ATG10: variants seen among roughly 807,000 people sequenced by gnomAD.
ATG10 encodes the protein autophagy related 10.
ATG10 carries 30 observed loss-of-function variants against 32.1 expected under a neutral mutation model. The ratio of observed to expected loss-of-function variants is 0.94; its 90% CI spans 0.70 to 1.27. ATG10 has a LOEUF of 1.27. ATG10 is among the 50% of genes most tolerant of loss of function. The pLI is 0.00. For synonymous variants in ATG10, 87 were observed against 91.5 expected, an observed-to-expected ratio of 0.95 and a Z score of 0.28; for missense variants, 233 against 262.3, an observed-to-expected ratio of 0.89 and a Z score of 0.77.
At chr5:82,106,079 C>G (rs942335339) in intron 3 of ATG10, among the ~76,000 whole-genome samples, 1 of 152,090 alleles carries the variant, frequency 6.6e-6, no homozygotes, top group African/African-American at 2.4e-5. Flanking sequence ...TTTAATATTA[C>G]AAGACTTCAT....
intron 2 of ATG10, among the ~76,000 whole-genome samples, chr5:82,005,029 A>G (rs1248889218): frequency 6.6e-6 from 1 of 152,082 alleles, no homozygotes; most frequent in Non-Finnish European, 1.5e-5. Context: ...ACTTTTTTTG[A>G]GTTGATTAGT....
chr5:82,182,427 G>A (rs541196768), intron 5 of ATG10, among the ~76,000 whole-genome samples: 182 of 151,976 alleles, frequency 1.2e-3, no homozygotes, highest in African/African-American at 4.1e-3. Flanking sequence ...ATGAATGTTC[G>A]TATCAGTTTT....
chr5:82,167,698 G>A (rs1743636663), intron 4 of ATG10, among the ~76,000 whole-genome samples: 1 of 152,216 alleles, frequency 6.6e-6, no homozygotes. Context: ...AGCTGAAGCA[G>A]CTGTTCCACT....
chr5:82,106,004 A>G (rs1765435707), intron 3 of ATG10, among the ~76,000 whole-genome samples: 2 of 152,148 alleles, frequency 1.3e-5, no homozygotes, highest in South Asian at 4.1e-4. Flanking sequence ...TTTGAAAGTA[A>G]CTATAATCAA....
At chr5:82,217,834 G>A (rs1425457283) in intron 5 of ATG10, among the ~76,000 whole-genome samples, 2 of 150,982 alleles carry the variant, frequency 1.3e-5, no homozygotes, top group African/African-American at 4.9e-5. Context: ...AAAATTAACT[G>A]GGTGTGGTAG....
chr5:82,125,188 C>G (rs1055201330), intron 3 of ATG10, among the ~76,000 whole-genome samples: 12 of 151,942 alleles, frequency 7.9e-5, no homozygotes, highest in Middle Eastern at 3.2e-3. Flanking sequence ...GGATATTAGC[C>G]CTTTGTCAGA....
chr5:82,137,702 A>G (rs1175210147), intron 3 of ATG10, among the ~76,000 whole-genome samples: 1 of 152,198 alleles, frequency 6.6e-6, no homozygotes, highest in East Asian at 1.9e-4. Context: ...TCAAGGAGCC[A>G]CTTAAGGAGG....
intron 4 of ATG10, among the ~76,000 whole-genome samples, chr5:82,164,901 A>G (rs1365498210): frequency 6.6e-6 from 1 of 152,252 alleles, no homozygotes; most frequent in Non-Finnish European, 1.5e-5. Context: ...AGATGATCCA[A>G]TTAACTCAGA....
At chr5:82,197,978 A>G (rs1744930582) in intron 5 of ATG10, among the ~76,000 whole-genome samples, 1 of 152,098 alleles carries the variant, frequency 6.6e-6, no homozygotes, top group Admixed American at 6.5e-5. Flanking sequence ...TGCCCTGTTC[A>G]TGGAAAAATA....
intron 3 of ATG10, among the ~76,000 whole-genome samples, chr5:82,092,473 T>C (rs1442455857): frequency 6.6e-6 from 1 of 152,202 alleles, no homozygotes; most frequent in East Asian, 1.9e-4. Context: ...TTACTATTTC[T>C]CAAGAGTCTG....
intron 5 of ATG10, among the ~76,000 whole-genome samples, chr5:82,181,055 A>T (rs1163176672): frequency 6.6e-6 from 1 of 152,160 alleles, no homozygotes; most frequent in Non-Finnish European, 1.5e-5. Flanking sequence ...TCACTGTCAC[A>T]CAGCCTATTA....
At chr5:82,175,170 G>C (rs949365069) in intron 4 of ATG10, among the ~76,000 whole-genome samples, 1 of 152,174 alleles carries the variant, frequency 6.6e-6, no homozygotes, top group African/African-American at 2.4e-5. Flanking sequence ...AAGCAAGTTG[G>C]TTTAGAAAGT....
intron 3 of ATG10, among the ~76,000 whole-genome samples, chr5:82,152,879 A>C (rs1767659383): frequency 6.6e-6 from 1 of 152,218 alleles, no homozygotes; most frequent in Admixed American, 6.5e-5. Context: ...TCTGATTTAT[A>C]GGATGAAAAT....
intron 2 of ATG10, among the ~76,000 whole-genome samples, chr5:82,027,651 T>C (rs1762633819): frequency 6.6e-6 from 1 of 152,220 alleles, no homozygotes; most frequent in Non-Finnish European, 1.5e-5. Flanking sequence ...TAAAAAATAC[T>C]TATTTTTTTA....
chr5:82,188,850 C>T (rs1462083839), intron 5 of ATG10, among the ~76,000 whole-genome samples: 1 of 152,042 alleles, frequency 6.6e-6, no homozygotes, highest in African/African-American at 2.4e-5. Context: ...CATAATTCCA[C>T]CATGCAGTTA....
chr5:82,163,988 G>A (rs990612073), intron 3 of ATG10, among the ~76,000 whole-genome samples: 3 of 152,240 alleles, frequency 2.0e-5, no homozygotes, highest in South Asian at 2.1e-4. Context: ...AAGTACAATA[G>A]AATCTTTAGG....
chr5:82,063,630 T>C, intron 3 of ATG10, among the ~76,000 whole-genome samples: 1 of 151,948 alleles, frequency 6.6e-6, no homozygotes, highest in Non-Finnish European at 1.5e-5. Context: ...GTAGCTGGGA[T>C]TACAGGCACC....
chr5:82,232,138 G>A (rs1484236448), intron 5 of ATG10, among the ~76,000 whole-genome samples: 1 of 152,122 alleles, frequency 6.6e-6, no homozygotes, highest in African/African-American at 2.4e-5. Flanking sequence ...TGATTTACAG[G>A]GGTGTGCCGC....
At chr5:82,209,811 C>G (rs1049884607) in intron 5 of ATG10, among the ~76,000 whole-genome samples, 2 of 152,088 alleles carry the variant, frequency 1.3e-5, no homozygotes, top group African/African-American at 2.4e-5. Flanking sequence ...TTTTGTGACT[C>G]CAGTTACAGG....
Sources: gnomAD v4.1 joint callset for allele counts (sites outside exome capture counted in the v4.1 genomes callset) on GRCh38, gnomAD v4.1.1 for gene constraint, MANE v1.5 for transcripts, NCBI Gene and HGNC (gene_info 2026-07-23, HGNC 2026-07-21) for gene names.